Variants in GABRG3 observed in about 807,000 individuals in gnomAD.
The protein encoded by GABRG3 is gamma-aminobutyric acid receptor subunit gamma-3.
Under a neutral mutation model 48.8 loss-of-function variants are expected in GABRG3, and 25 were observed. That is an observed-to-expected ratio of 0.51 (90% CI 0.37 to 0.72). GABRG3 has a LOEUF of 0.72. Among genes scored for constraint, GABRG3 ranks in the 30% least tolerant of loss-of-function variants. The pLI, the probability that GABRG3 is intolerant of heterozygous loss-of-function variation, is 0.00. For synonymous variants in GABRG3, 227 were observed against 217.6 expected (o/e 1.04, Z -0.38); for missense variants, 394 against 577.9 (o/e 0.68, Z 3.26).
rs564427273 is a variant in GABRG3 at position 27,225,921 on chromosome 15, A to T, written c.271-100888A>T. Among the ~76,000 whole-genome samples the T allele has an allele frequency of 2.6e-5, 4 of 152,214 alleles. No homozygotes were observed. The East Asian group carries it at 7.7e-4, about 29-fold the overall frequency. On this transcript the variant is annotated intron_variant, in intron 3 of 9. Coordinates refer to ENST00000615808, the MANE Select transcript of GABRG3 (RefSeq NM_033223.5). Reference sequence around the variant, plus strand: ...GGAGGAGCCCAGATGAGAGACCCAGAGCCTGTGACTAAGATGATTGGCAGA... The same window carrying T: ...GGAGGAGCCCAGATGAGAGACCCAGTGCCTGTGACTAAGATGATTGGCAGA...
chr15:27,395,401 G>T (rs758924167), intron 5 of GABRG3, among the ~76,000 whole-genome samples: 5 of 152,082 alleles, frequency 3.3e-5, no homozygotes, highest in Non-Finnish European at 5.9e-5. Context: ...CTAAAATTTA[G>T]CAGGAAAGGC....
At chr15:27,027,712 C>T (rs1896009395) in intron 3 of GABRG3, among the ~76,000 whole-genome samples, 1 of 152,084 alleles carries the variant, frequency 6.6e-6, no homozygotes, top group South Asian at 2.1e-4. Context: ...CCATATCATC[C>T]CTAAACTGGA....
At chr15:27,048,488 C>T (rs1896402288) in intron 3 of GABRG3, among the ~76,000 whole-genome samples, 2 of 152,166 alleles carry the variant, frequency 1.3e-5, no homozygotes, top group Non-Finnish European at 2.9e-5. Context: ...CTCAGTCCCT[C>T]CATAGGGCCT....
At chr15:27,004,344 A>G (rs1428581931) in intron 2 of GABRG3, among the ~76,000 whole-genome samples, 1 of 148,764 alleles carries the variant, frequency 6.7e-6, no homozygotes, top group Non-Finnish European at 1.5e-5. Flanking sequence ...CACATCTCAG[A>G]CAATGGGCGG....
At chr15:27,177,622 C>G (rs142397790) in intron 3 of GABRG3, among the ~76,000 whole-genome samples, 1 of 152,136 alleles carries the variant, frequency 6.6e-6, no homozygotes, top group East Asian at 1.9e-4. Context: ...GGGCAGTTAT[C>G]TTGTGAGGTT....
At position 27,305,490 on chromosome 15, in the gene GABRG3, TTA is replaced by T. The variant is rs1169416831; in HGVS notation, c.271-21308_271-21307del. On this transcript the variant is annotated intron_variant, in intron 3 of 9. Coordinates refer to ENST00000615808, the MANE Select transcript of GABRG3 (RefSeq NM_033223.5). The stretch of plus-strand genomic sequence containing the variant: ...TGTGTGTGTGTGGTCTGTGTGTTTT[TTA>T]TATATATATAAACATATATAAACAT... Among the ~76,000 whole-genome samples the T allele has an allele frequency of 7.5e-5, 11 of 147,260 alleles. No individual in the cohort carries two copies. In the East Asian group the frequency reaches 2.2e-3, roughly 29 times the overall value.
chr15:27,183,967 C>A (rs1451520829), intron 3 of GABRG3, among the ~76,000 whole-genome samples: 1 of 152,118 alleles, frequency 6.6e-6, no homozygotes, highest in Non-Finnish European at 1.5e-5. Context: ...TTAACTCTTA[C>A]CTGGGGTAAC....
intron 3 of GABRG3, among the ~76,000 whole-genome samples, chr15:27,310,922 G>A (rs1489531993): frequency 1.3e-5 from 2 of 152,124 alleles, no homozygotes; most frequent in Non-Finnish European, 2.9e-5. Context: ...GCTCTTATGA[G>A]AAGAAAAGAA....
intron 3 of GABRG3, among the ~76,000 whole-genome samples, chr15:27,238,651 T>C (rs1890046875): frequency 6.6e-6 from 1 of 152,230 alleles, no homozygotes; most frequent in Admixed American, 6.5e-5. Context: ...TGACATGTAA[T>C]TGACTAAATA....
chr15:27,280,850 A>G (rs1332456714), intron 3 of GABRG3, among the ~76,000 whole-genome samples: 3 of 152,184 alleles, frequency 2.0e-5, no homozygotes, highest in Non-Finnish European at 2.9e-5. Flanking sequence ...TTCATTAAAT[A>G]TATTGTCTAA....
chr15:27,027,552 G>A (rs1179086494), intron 3 of GABRG3, among the ~76,000 whole-genome samples: 4 of 152,210 alleles, frequency 2.6e-5, no homozygotes, highest in African/African-American at 7.2e-5. Flanking sequence ...TTTCATTGCA[G>A]TGTTCTGTGG....
chr15:27,254,364 C>T (rs957831073), intron 3 of GABRG3, among the ~76,000 whole-genome samples: 12 of 151,976 alleles, frequency 7.9e-5, no homozygotes, highest in African/African-American at 2.4e-4. Flanking sequence ...GGAGGGTTCT[C>T]GCCTGTTCTT....
intron 5 of GABRG3, among the ~76,000 whole-genome samples, chr15:27,388,114 A>AAGGAAGGAAGGAAAGG (rs1211495352): frequency 5.7e-5 from 2 of 35,348 alleles, no homozygotes; most frequent in Admixed American, 2.7e-4. Flanking sequence ...GAGGGAAAAG[A>AAGGAAGGAAGGAAAGG]AGGAAGGAAG....
At chr15:27,086,940 G>C (rs1897086953) in intron 3 of GABRG3, among the ~76,000 whole-genome samples, 1 of 152,242 alleles carries the variant, frequency 6.6e-6, no homozygotes, top group African/African-American at 2.4e-5. Context: ...GACAGGGAAA[G>C]GAACCCCTCT....
intron 3 of GABRG3, among the ~76,000 whole-genome samples, chr15:27,064,434 G>T (rs759270830): frequency 1.3e-5 from 2 of 152,142 alleles, no homozygotes; most frequent in African/African-American, 4.8e-5. Context: ...AATCTCACCC[G>T]TTCTCAGGAG....
intron 3 of GABRG3, among the ~76,000 whole-genome samples, chr15:27,030,660 C>A (rs1044565373): frequency 1.3e-4 from 19 of 149,424 alleles, no homozygotes; most frequent in Non-Finnish European, 2.5e-4. Flanking sequence ...TTCAAGCAGC[C>A]TTTTAGGAAA....
At position 27,326,801 on chromosome 15, in the gene GABRG3, T is replaced by G. The variant is rs747489892; in HGVS notation, c.271-8T>G. Reference sequence around the variant, plus strand: ...AACTGTCTTGCCTCTCCTTCTGCTCTGTTTCAGGAATACCAAATTGACATA... The same window carrying G: ...AACTGTCTTGCCTCTCCTTCTGCTCGGTTTCAGGAATACCAAATTGACATA... On this transcript the variant is annotated splice_region_variant and splice_polypyrimidine_tract_variant and intron_variant, in intron 3 of 9. Coordinates refer to ENST00000615808, the MANE Select transcript of GABRG3 (RefSeq NM_033223.5). The G allele has an allele frequency of 6.2e-7, 1 of 1,605,486 alleles. No individual in the cohort carries two copies. The highest frequency in any genetic ancestry group is 8.5e-7 in the Non-Finnish European group (1 of 1,172,138).
intron 2 of GABRG3, among the ~76,000 whole-genome samples, chr15:27,016,712 A>C (rs1895784916): frequency 6.6e-6 from 1 of 152,038 alleles, no homozygotes; most frequent in Non-Finnish European, 1.5e-5. Context: ...CTTCCTTTTA[A>C]ATTCGCATAA....
intron 6 of GABRG3, among the ~76,000 whole-genome samples, chr15:27,501,311 C>G (rs557827701): frequency 6.6e-6 from 1 of 152,184 alleles, no homozygotes; most frequent in South Asian, 2.1e-4. Flanking sequence ...CACCTTTGTC[C>G]CTGAAGAGCA....
Sources: gnomAD v4.1 joint callset for allele counts (sites outside exome capture counted in the v4.1 genomes callset) on GRCh38, gnomAD v4.1.1 for gene constraint, MANE v1.5 for transcripts, NCBI Gene and HGNC (gene_info 2026-07-23, HGNC 2026-07-21) for gene names.